MOB1B: variants seen among roughly 807,000 people sequenced by gnomAD.
MOB1B encodes MOB kinase activator 1B.
In MOB1B, 19 loss-of-function variants were observed where a neutral mutation model predicts 24.4. The observed-to-expected ratio is 0.78, with a 90% CI of 0.54 to 1.14. The LOEUF (loss-of-function observed/expected upper bound fraction) is 1.14. Among genes scored for constraint, MOB1B ranks in the 50% most tolerant of loss-of-function variants. The probability of loss-of-function intolerance (pLI) is 0.00; values close to 1 mark genes in which losing one functional copy is unlikely to be tolerated. For synonymous variants in MOB1B, 76 were observed against 82.1 expected (o/e 0.93, Z 0.40); for missense variants, 243 against 259.6 (o/e 0.94, Z 0.44).
chr4:70,931,825 G>T (rs921929214), intron 1 of MOB1B, among the ~76,000 whole-genome samples: 1 of 152,110 alleles, frequency 6.6e-6, no homozygotes, highest in Non-Finnish European at 1.5e-5. Context: ...CGAACTCGTG[G>T]GCTCAAGCAA....
At chr4:70,947,565 T>G (rs1737639870) in intron 1 of MOB1B, among the ~76,000 whole-genome samples, 1 of 152,224 alleles carries the variant, frequency 6.6e-6, no homozygotes, top group Non-Finnish European at 1.5e-5. Flanking sequence ...GGCAAAGATT[T>G]GCTGCTAGTC....
At chr4:70,967,385 C>G (rs948344863) in intron 2 of MOB1B, among the ~76,000 whole-genome samples, 6 of 152,326 alleles carry the variant, frequency 3.9e-5, no homozygotes, top group African/African-American at 1.4e-4. Flanking sequence ...CCACCCACCT[C>G]AGCCTCCCAA....
chr4:70,971,170 C>T (rs1738737670), intron 3 of MOB1B, among the ~76,000 whole-genome samples: 1 of 152,160 alleles, frequency 6.6e-6, no homozygotes, highest in Admixed American at 6.5e-5. Context: ...CCCACCTCGC[C>T]TTTTTGAAAA....
chr4:70,963,784 C>G (rs1293305138), intron 2 of MOB1B, among the ~76,000 whole-genome samples: 1 of 152,086 alleles, frequency 6.6e-6, no homozygotes, highest in Non-Finnish European at 1.5e-5. Context: ...TGCACCACTG[C>G]TCTCTAGCCT....
intron 1 of MOB1B, among the ~76,000 whole-genome samples, chr4:70,944,917 A>C (rs1397588571): frequency 6.6e-6 from 1 of 152,172 alleles, no homozygotes; most frequent in Non-Finnish European, 1.5e-5. Flanking sequence ...GGGGATTACA[A>C]TTCAACATGA....
intron 1 of MOB1B, among the ~76,000 whole-genome samples, chr4:70,916,661 G>A (rs547517327): frequency 1.3e-5 from 2 of 152,136 alleles, no homozygotes; most frequent in South Asian, 2.1e-4. Context: ...TCTGCCTCCC[G>A]GGTTCAAGCA....
upstream of MOB1B, chr4:70,902,283 G>A (rs890523042): frequency 5.1e-6 from 3 of 585,158 alleles, no homozygotes; most frequent in Non-Finnish European, 9.2e-6. Context: ...AGGGGCTCGC[G>A]GAGAGCCTGC....
At chr4:70,934,883 T>C (rs1459482923) in intron 1 of MOB1B, among the ~76,000 whole-genome samples, 1 of 151,984 alleles carries the variant, frequency 6.6e-6, no homozygotes, top group East Asian at 1.9e-4. Context: ...TTCACACATA[T>C]TTAAATTCTT....
intron 2 of MOB1B, among the ~76,000 whole-genome samples, chr4:70,963,455 T>C (rs1411606468): frequency 6.6e-6 from 1 of 152,146 alleles, no homozygotes; most frequent in African/African-American, 2.4e-5. Flanking sequence ...AGTAGGATAT[T>C]AATAGTAAGT....
chr4:70,986,220 C>T lies in MOB1B; in HGVS notation c.*4163C>T, dbSNP rs1353891837. On this transcript the variant is annotated 3_prime_UTR_variant, in exon 6 of 6. Coordinates refer to ENST00000309395, the MANE Select transcript of MOB1B (RefSeq NM_173468.4). ...AATGGATACTATGGAAAAGTGGATC[C>T]AATATTTAAGATAGAAGTAGTTTAA... is the stretch of plus-strand genomic sequence containing the variant. 1 of 151,938 alleles carries T rather than the reference C, an allele frequency of 6.6e-6. No homozygotes were observed. The highest frequency in any genetic ancestry group is 1.5e-5 in the Non-Finnish European group (1 of 67,978). 9.4% of individuals were successfully genotyped at this position (151,938 alleles called of 1,614,324 possible).
chr4:70,932,706 A>C (rs917955815), intron 1 of MOB1B, among the ~76,000 whole-genome samples: 2 of 152,164 alleles, frequency 1.3e-5, no homozygotes, highest in Non-Finnish European at 2.9e-5. Flanking sequence ...GGTTTTGTAA[A>C]TTACAACGTG....
chr4:70,951,651 AC>A (rs1273006879), intron 1 of MOB1B, among the ~76,000 whole-genome samples: 1 of 152,252 alleles, frequency 6.6e-6, no homozygotes, highest in Non-Finnish European at 1.5e-5. Context: ...TATTCCCAGC[AC>A]TTTGGGAGGC....
At chr4:70,978,797 TAAG>T (rs1170693140) in intron 4 of MOB1B, among the ~76,000 whole-genome samples, 44 of 152,156 alleles carry the variant, frequency 2.9e-4, no homozygotes, top group Non-Finnish European at 1.5e-5. Context: ...TATTGAGACT[TAAG>T]AAATCCGATG....
chr4:70,924,015 ACT>A (rs1736553465), intron 1 of MOB1B, among the ~76,000 whole-genome samples: 1 of 151,926 alleles, frequency 6.6e-6, no homozygotes, highest in Admixed American at 6.6e-5. Context: ...GAAATGTATA[ACT>A]CTGTAAATAA....
Position 70,940,071 on chromosome 4 carries a change from C to T in MOB1B, c.15-18803C>T, listed in dbSNP as rs77594864. On this transcript the variant is annotated intron_variant, in intron 1 of 5. Transcript: ENST00000309395. Reference sequence around the variant, plus strand: ...TGCTGTCCTGCCGGTGTGCTCCACTCGATGTCCTCTTGACCTCCAGCCGCT... The same window carrying T: ...TGCTGTCCTGCCGGTGTGCTCCACTTGATGTCCTCTTGACCTCCAGCCGCT... Among the ~76,000 whole-genome samples the T allele has an allele frequency of 3.9e-5, 6 of 151,980 alleles. No individual in the cohort carries two copies. In the South Asian group the frequency reaches 8.3e-4, roughly 21 times the overall value.
intron 1 of MOB1B, among the ~76,000 whole-genome samples, chr4:70,910,331 G>T (rs2148866962): frequency 6.6e-6 from 1 of 152,112 alleles, no homozygotes; most frequent in South Asian, 2.1e-4. Context: ...GCTAGCCATT[G>T]CGCCCAGCTG....
intron 1 of MOB1B, chr4:70,958,579 T>G (rs566022151): frequency 2.1e-5 from 9 of 419,052 alleles, no homozygotes; most frequent in Non-Finnish European, 3.7e-5. Context: ...AATGAGAGAC[T>G]TAGAATAGGA....
At chr4:70,964,554 A>C (rs1738436161) in intron 2 of MOB1B, among the ~76,000 whole-genome samples, 1 of 152,258 alleles carries the variant, frequency 6.6e-6, no homozygotes, top group African/African-American at 2.4e-5. Flanking sequence ...ATATTATAAA[A>C]GGAAAAATAT....
upstream of MOB1B, chr4:70,902,318 C>G (rs1240964962): frequency 1.7e-5 from 11 of 641,432 alleles, no homozygotes; most frequent in African/African-American, 1.8e-5. Flanking sequence ...CTTCCCCTCC[C>G]CTGGAGTGAT....
Sources: allele counts gnomAD v4.1 joint callset (sites outside exome capture counted in the v4.1 genomes callset), GRCh38; gene constraint gnomAD v4.1.1; transcripts MANE v1.5; gene names NCBI Gene and HGNC (gene_info 2026-07-23, HGNC 2026-07-21).